Variants in PHACTR3 observed in about 807,000 individuals in gnomAD.
PHACTR3 encodes the protein phosphatase and actin regulator 3, also known as protein phosphatase 1, regulatory subunit 123.
Under a neutral mutation model 66.8 loss-of-function variants are expected in PHACTR3, and 16 were observed. That is an observed-to-expected ratio of 0.24 (90% CI 0.16 to 0.36). PHACTR3 has a LOEUF of 0.36. Ranked by LOEUF, PHACTR3 falls within the 10% of genes least tolerant of loss-of-function variation. PHACTR3 has a pLI of 1.00. For missense variants in PHACTR3, 647 were observed against 719.9 expected (o/e 0.90, Z 1.16); for synonymous variants, 323 against 292.1 (o/e 1.11, Z -1.08).
intron 1 of PHACTR3, among the ~76,000 whole-genome samples, chr20:59,729,080 G>A (rs995611530): frequency 3.9e-5 from 6 of 152,256 alleles, no homozygotes; most frequent in African/African-American, 1.4e-4. Context: ...TGCTCACAGG[G>A]AGAGGTCACA....
At chr20:59,660,688 A>G (rs182260803) in intron 1 of PHACTR3, among the ~76,000 whole-genome samples, 1 of 152,366 alleles carries the variant, frequency 6.6e-6, no homozygotes, top group Non-Finnish European at 1.5e-5. Flanking sequence ...AGTGTTTTCT[A>G]TCACTTCATC....
intron 2 of PHACTR3, among the ~76,000 whole-genome samples, chr20:59,744,935 G>A (rs2426825): frequency 0.53 from 80,154 of 152,120 alleles, 22,584 homozygotes; most frequent in Non-Finnish European, 0.63. Context: ...CTGGATGCTA[G>A]GCTCAGCTAG....
At chr20:59,613,386 G>A (rs2033923309) in intron 1 of PHACTR3, among the ~76,000 whole-genome samples, 1 of 152,164 alleles carries the variant, frequency 6.6e-6, no homozygotes, top group African/African-American at 2.4e-5. Flanking sequence ...GGACAAAGAG[G>A]GTAGGGAGAG....
intron 1 of PHACTR3, chr20:59,628,018 T>G (rs2034520646): frequency 6.6e-6 from 1 of 152,258 alleles, no homozygotes; most frequent in Non-Finnish European, 1.5e-5. Flanking sequence ...TGCTTCCTTC[T>G]GCCCCCTCCT....
At chr20:59,843,819 TAAAC>T (rs1430330795) in intron 11 of PHACTR3, 4 of 151,806 alleles carry the variant, frequency 2.6e-5, no homozygotes, top group African/African-American at 7.3e-5. Flanking sequence ...GCAACCAAAA[TAAAC>T]AAATGAGACT....
chr20:59,678,231 G>T (rs895831245), intron 1 of PHACTR3, among the ~76,000 whole-genome samples: 2 of 152,064 alleles, frequency 1.3e-5, no homozygotes, highest in African/African-American at 2.4e-5. Flanking sequence ...TACACCTTCA[G>T]CCCGTGGCTT....
intron 1 of PHACTR3, among the ~76,000 whole-genome samples, chr20:59,630,434 A>G (rs898741631): frequency 1.3e-5 from 2 of 152,146 alleles, no homozygotes; most frequent in Non-Finnish European, 2.9e-5. Context: ...CCGCCCGCCT[A>G]GGCCTCCCAA....
chr20:59,676,299 C>T (rs986676905), intron 1 of PHACTR3, among the ~76,000 whole-genome samples: 3 of 152,224 alleles, frequency 2.0e-5, no homozygotes, highest in African/African-American at 7.2e-5. Flanking sequence ...CAGGCTCTGG[C>T]CAGATGCCAG....
At chr20:59,699,685 C>T (rs999484159) in intron 1 of PHACTR3, among the ~76,000 whole-genome samples, 3 of 152,156 alleles carry the variant, frequency 2.0e-5, no homozygotes, top group East Asian at 1.9e-4. Flanking sequence ...AGTCTGTGGC[C>T]GGGCGCGGTG....
chr20:59,830,530 T>C lies in PHACTR3; in HGVS notation c.1329-5975T>C, dbSNP rs2042335420. ...AGCATCCGTCTGATGGAGGAGGCTG[T>C]GAGTGTCTGAAGGAGGAGTGATTCT... is the stretch of plus-strand genomic sequence containing the variant. On this transcript the variant is annotated intron_variant, in intron 8 of 12. Coordinates refer to ENST00000371015, the MANE Select transcript of PHACTR3 (RefSeq NM_080672.5). The surrounding 1 kb of genome is among the most constrained non-coding windows in gnomAD (Gnocchi z 5.8). Among the ~76,000 whole-genome samples, 1 of 152,112 alleles carries C rather than the reference T, an allele frequency of 6.6e-6. No homozygotes were observed. The highest frequency in any genetic ancestry group is 1.5e-5 in the Non-Finnish European group (1 of 68,002).
At chr20:59,725,402 G>T (rs886901437) in intron 1 of PHACTR3, among the ~76,000 whole-genome samples, 1 of 151,972 alleles carries the variant, frequency 6.6e-6, no homozygotes, top group Non-Finnish European at 1.5e-5. Context: ...AGCCCAGATC[G>T]GTATGAGCTT....
intron 8 of PHACTR3, among the ~76,000 whole-genome samples, chr20:59,817,922 CAT>C (rs2145407156): frequency 6.6e-6 from 1 of 152,316 alleles, no homozygotes; most frequent in East Asian, 1.9e-4. Context: ...GGGAGAAGTA[CAT>C]GTTTCTTTAC....
intron 1 of PHACTR3, among the ~76,000 whole-genome samples, chr20:59,593,721 G>A (rs2033250810): frequency 6.6e-6 from 1 of 152,078 alleles, no homozygotes; most frequent in South Asian, 2.1e-4. Flanking sequence ...TTTTGCATGT[G>A]GATATCCACT....
chr20:59,634,024 C>G (rs2034762216), intron 1 of PHACTR3, among the ~76,000 whole-genome samples: 1 of 152,174 alleles, frequency 6.6e-6, no homozygotes, highest in Non-Finnish European at 1.5e-5. Context: ...TACACGATTC[C>G]TCTGCTCAGT....
chr20:59,743,288 C>A lies in PHACTR3; in HGVS notation c.280+20C>A. The stretch of plus-strand genomic sequence containing the variant: ...CGTCAGGTAAAGGCCTGGTGACAGG[C>A]GCGGGCAGGCTGTGGCTGGGACCAG... On this transcript the variant is annotated intron_variant, in intron 2 of 12. Coordinates refer to ENST00000371015, the MANE Select transcript of PHACTR3 (RefSeq NM_080672.5). 1 of 1,612,468 alleles carries A rather than the reference C, an allele frequency of 6.2e-7. No individual in the cohort carries two copies. Among genetic ancestry groups the A allele is most frequent in the Non-Finnish European group, 8.5e-7 (1 of 1,179,096 alleles).
chr20:59,749,551 T>A (rs1472340519), intron 3 of PHACTR3, among the ~76,000 whole-genome samples: 3 of 152,174 alleles, frequency 2.0e-5, no homozygotes, highest in Non-Finnish European at 4.4e-5. Context: ...CTGGCTTCCG[T>A]GCCTCTGACG....
At chr20:59,765,817 G>T (rs1442729010) in intron 4 of PHACTR3, among the ~76,000 whole-genome samples, 1 of 152,186 alleles carries the variant, frequency 6.6e-6, no homozygotes, top group Non-Finnish European at 1.5e-5. Flanking sequence ...GAACCCCATA[G>T]GAGCTAACAC....
At chr20:59,592,673 T>G (rs2033218302) in intron 1 of PHACTR3, among the ~76,000 whole-genome samples, 1 of 152,226 alleles carries the variant, frequency 6.6e-6, no homozygotes, top group Non-Finnish European at 1.5e-5. Context: ...CTGCAACCCC[T>G]GGCATCCACT....
chr20:59,806,084 G>A lies in PHACTR3; in HGVS notation c.1218G>A (p.Lys406=). 6.2e-7 allele frequency: 1 copy of A among 1,614,250 alleles called. No individual in the cohort carries two copies. Among genetic ancestry groups the A allele is most frequent in the South Asian group, 1.1e-5 (1 of 91,086 alleles). ...RKCKKELLAV[K]LRNRPSKQEL... ...GCAAGAAGGAGCTCCTGGCCGTGAA[G>A]CTAAGGAACCGGCCAAGCAAACAGG... Residue 406 remains lysine (K), a synonymous_variant, in exon 8 of 13, where the codon AAG becomes AAA. Transcript: ENST00000371015.
Sources: allele counts gnomAD v4.1 joint callset (sites outside exome capture counted in the v4.1 genomes callset), GRCh38; gene constraint gnomAD v4.1.1; non-coding constraint Gnocchi (gnomAD v3.1); transcripts MANE v1.5; gene names NCBI Gene and HGNC (gene_info 2026-07-23, HGNC 2026-07-21).